EGFR: variants seen among roughly 807,000 people sequenced by gnomAD.
EGFR encodes the protein avian erythroblastic leukemia viral (v-erb-b) oncogene homolog.
Under a neutral mutation model 143.0 loss-of-function variants are expected in EGFR, and 58 were observed. That is an observed-to-expected ratio of 0.41 (90% CI 0.33 to 0.50). The LOEUF (loss-of-function observed/expected upper bound fraction) is 0.50, where lower values mean the gene tolerates loss of function less well. Among genes scored for constraint, EGFR ranks in the 20% least tolerant of loss-of-function variants. The pLI is 0.39. For synonymous variants in EGFR, 613 were observed against 594.4 expected, an observed-to-expected ratio of 1.03 and a Z score of -0.45; for missense variants, 1,307 against 1,579.0, an observed-to-expected ratio of 0.83 and a Z score of 2.92.
chr7:55,166,979 G>C (rs1224362882), intron 15 of EGFR, among the ~76,000 whole-genome samples: 1 of 127,816 alleles, frequency 7.8e-6, no homozygotes, highest in African/African-American at 3.1e-5. Flanking sequence ...GGTGATGAGG[G>C]TGGTGATGAT....
chr7:55,162,607 G>A (rs979559044), intron 13 of EGFR, among the ~76,000 whole-genome samples: 3 of 152,170 alleles, frequency 2.0e-5, no homozygotes, highest in African/African-American at 4.8e-5. Flanking sequence ...AAACGCCCAC[G>A]TGGGGAGCCC....
At chr7:55,199,010 C>G (rs1787736704) in intron 23 of EGFR, 147 bp downstream of exon 23, 2 of 1,051,272 alleles carry the variant, frequency 1.9e-6, no homozygotes, top group Non-Finnish European at 2.8e-6. Context: ...TGTAAATACC[C>G]CTTCAAGCAT....
Position 55,160,191 on chromosome 7 carries a change from C to G in EGFR, c.1351C>G (p.Arg451Gly), listed in dbSNP as rs377567759. The change falls in exon 12 of 28, where the codon CGC becomes GGC. Residue 451 changes from arginine (R) to glycine (G), a missense_variant. Arg to Gly is a moderately radical substitution (Grantham distance 125). This residue lies in a region of EGFR where 250 missense variants were observed against 295.1 expected (regional missense o/e 0.85). Coordinates refer to ENST00000275493, the MANE Select transcript of EGFR (RefSeq NM_005228.5). ...VSLNITSLGL[R>G]SLKEISDGDV... ...CCTGAACATAACATCCTTGGGATTACGCTCCCTCAAGGAGATAAGTGATGG... is the reference window on the plus strand; with the variant it reads ...CCTGAACATAACATCCTTGGGATTAGGCTCCCTCAAGGAGATAAGTGATGG... 1.2e-6 allele frequency: 2 copies of G among 1,614,110 alleles called. No individual in the cohort carries two copies. Among genetic ancestry groups the G allele is most frequent in the Non-Finnish European group, 1.7e-6 (2 of 1,180,024 alleles).
chr7:55,061,491 C>G (rs1362234950), intron 1 of EGFR, among the ~76,000 whole-genome samples: 3 of 152,176 alleles, frequency 2.0e-5, no homozygotes, highest in African/African-American at 7.2e-5. Context: ...ATTCAGCTCT[C>G]CTCGTCTCAC....
At chr7:55,173,188 C>G (rs761847148) in intron 17 of EGFR, 64 bp downstream of exon 17, 2 of 1,592,912 alleles carry the variant, frequency 1.3e-6, no homozygotes, top group Middle Eastern at 2.1e-4. Context: ...GGGCCAGCCC[C>G]GAGAACGGGC....
intron 22 of EGFR, among the ~76,000 whole-genome samples, chr7:55,193,404 C>T (rs1023604647): frequency 3.9e-5 from 6 of 152,126 alleles, no homozygotes; most frequent in African/African-American, 1.4e-4. Flanking sequence ...CTTCTGAATC[C>T]CAGTGTTGCC....
intron 1 of EGFR, among the ~76,000 whole-genome samples, chr7:55,075,864 C>T (rs375827826): frequency 6.6e-6 from 1 of 152,126 alleles, no homozygotes; most frequent in East Asian, 1.9e-4. Flanking sequence ...CTAAAAAGAG[C>T]ATTAAATTAG....
At chr7:55,045,060 G>A (rs1481402260) in intron 1 of EGFR, among the ~76,000 whole-genome samples, 1 of 152,188 alleles carries the variant, frequency 6.6e-6, no homozygotes. Flanking sequence ...TTCTTTAAAA[G>A]AGCTTCCAAA....
chr7:55,089,516 C>T (rs538203853), intron 1 of EGFR, among the ~76,000 whole-genome samples: 1 of 152,312 alleles, frequency 6.6e-6, no homozygotes, highest in Admixed American at 6.5e-5. Flanking sequence ...TAAGGCCAGT[C>T]ATGTCTCATC....
chr7:55,030,596 T>C (rs2192293), intron 1 of EGFR, among the ~76,000 whole-genome samples: 90,477 of 152,138 alleles, frequency 0.59, 27,387 homozygotes, highest in East Asian at 0.79. Context: ...GGCAACTTGA[T>C]TTAGCAGTTG....
At chr7:55,157,157 T>A (rs1307767021) in intron 10 of EGFR, among the ~76,000 whole-genome samples, 3 of 152,194 alleles carry the variant, frequency 2.0e-5, no homozygotes, top group Non-Finnish European at 4.4e-5. Context: ...GGCCTCAGGC[T>A]TTTGAAACTG....
At chr7:55,168,768 T>G (rs780166284) in intron 15 of EGFR, 2 of 553,038 alleles carry the variant, frequency 3.6e-6, no homozygotes, top group Non-Finnish European at 6.1e-6. Flanking sequence ...CCATTAATTA[T>G]ATAGGAATTA....
intron 1 of EGFR, among the ~76,000 whole-genome samples, chr7:55,049,476 T>C (rs1788361158): frequency 6.6e-6 from 1 of 152,200 alleles, no homozygotes; most frequent in Non-Finnish European, 1.5e-5. Context: ...AGTGCTTGTA[T>C]CAGCCCTTAA....
intron 19 of EGFR, chr7:55,180,766 C>G (rs1216231245): frequency 1.1e-5 from 2 of 174,898 alleles, no homozygotes; most frequent in Non-Finnish European, 2.5e-5. Flanking sequence ...GGAAGGGAGG[C>G]CTTTCTCCCT....
rs376176117 is a variant in EGFR, at chr7:55,192,839, A to T, written c.2699A>T (p.Tyr900Phe). The change falls in exon 22 of 28, where the codon TAC (tyrosine) becomes TTC (phenylalanine). Residue 900 changes from tyrosine (Y) to phenylalanine (F), a missense_variant and splice_region_variant. Physicochemically the swap from Tyr to Phe is conservative, Grantham distance 22 (BLOSUM62 3). Around this residue, in one of 7 missense-constraint regions of EGFR, gnomAD observed 348 missense variants for 451.5 expected, o/e 0.77. Coordinates refer to ENST00000275493, the MANE Select transcript of EGFR (RefSeq NM_005228.5). ...IYTHQSDVWS[Y>F]GVTVWELMTF... ...ACCCACCAGAGTGATGTCTGGAGCT[A>T]CGGTGAGTCATAATCCTGATGCTAA... is the stretch of plus-strand genomic sequence containing the variant. 1 of 1,614,134 alleles carries T rather than the reference A, an allele frequency of 6.2e-7. No homozygotes were observed. Among genetic ancestry groups the T allele is most frequent in the Middle Eastern group, 1.6e-4 (1 of 6,062 alleles).
chr7:55,055,723 C>CCA (rs34074299), intron 1 of EGFR, among the ~76,000 whole-genome samples: 107,784 of 148,198 alleles, frequency 0.73, 39,479 homozygotes, highest in East Asian at 0.91. Context: ...CACACACACA[C>CCA]CACACACACA....
Position 55,200,376 on chromosome 7 carries a change from A to G in EGFR, c.2909A>G (p.Lys970Arg), listed in dbSNP as rs755504552. The G allele has an allele frequency of 1.2e-6, 2 of 1,614,182 alleles. No individual in the cohort carries two copies. Among genetic ancestry groups the G allele is most frequent in the Non-Finnish European group, 8.5e-7 (1 of 1,180,042 alleles). Reference protein sequence around the residue: ...KFRELIIEFSKMARDPQRYLV... With the variant: ...KFRELIIEFSRMARDPQRYLV... Reference sequence around the variant, plus strand: ...CGTGAGTTGATCATCGAATTCTCCAAAATGGCCCGAGACCCCCAGCGCTAC... The same window carrying G: ...CGTGAGTTGATCATCGAATTCTCCAGAATGGCCCGAGACCCCCAGCGCTAC... Residue 970 changes from lysine to arginine, a missense_variant, in exon 24 of 28, where the codon AAA becomes AGA. Physicochemically the swap from Lys to Arg is conservative, Grantham distance 26. Around this residue, in one of 7 missense-constraint regions of EGFR, gnomAD observed 313 missense variants for 312.3 expected, o/e 1.00. Transcript: ENST00000275493.
intron 1 of EGFR, among the ~76,000 whole-genome samples, chr7:55,069,031 G>GA (rs1789676069): frequency 6.6e-6 from 1 of 152,206 alleles, no homozygotes; most frequent in Non-Finnish European, 1.5e-5. Flanking sequence ...TTTCTTCAGA[G>GA]AAAAGTCATG....
chr7:55,143,226 G>T (rs1794566006), intron 2 of EGFR, 79 bp from the exon 3 acceptor site: 1 of 1,529,134 alleles, frequency 6.5e-7, no homozygotes, highest in African/African-American at 1.4e-5. Flanking sequence ...GCGTCCTAGG[G>T]CTCCCTGGAC....
Sources: gnomAD v4.1 joint callset for allele counts (sites outside exome capture counted in the v4.1 genomes callset) on GRCh38, gnomAD v4.1.1 for gene constraint, gnomAD v4.1.1 regional missense constraint, MANE v1.5 for transcripts, NCBI Gene and HGNC (gene_info 2026-07-23, HGNC 2026-07-21) for gene names.